The following WDPCP variants were observed in gnomAD, a reference collection of about 807,000 sequenced individuals.
WDPCP encodes the protein WD repeat containing planar cell polarity effector, also known as WD repeat-containing and planar cell polarity effector protein fritz homolog.
Under a neutral mutation model 93.1 loss-of-function variants are expected in WDPCP, and 71 were observed. That is an observed-to-expected ratio of 0.76 (90% CI 0.63 to 0.93). The LOEUF (loss-of-function observed/expected upper bound fraction) is 0.93, where lower values mean the gene tolerates loss of function less well. Among genes scored for constraint, WDPCP ranks in the 40% least tolerant of loss-of-function variants. The pLI, the probability that WDPCP is intolerant of heterozygous loss-of-function variation, is 0.00. For synonymous variants in WDPCP, 315 were observed against 315.0 expected (o/e 1.00, Z 0.00); for missense variants, 844 against 887.4 (o/e 0.95, Z 0.62).
intron 1 of WDPCP, among the ~76,000 whole-genome samples, chr2:63,521,847 C>T (rs1702958743): frequency 6.6e-6 from 1 of 152,046 alleles, no homozygotes; most frequent in African/African-American, 2.4e-5. Context: ...GGCCACAGCG[C>T]AATAAAAATA....
At chr2:63,131,250 T>C (rs1004878521) in intron 17 of WDPCP, among the ~76,000 whole-genome samples, 9 of 152,206 alleles carry the variant, frequency 5.9e-5, no homozygotes, top group Non-Finnish European at 8.8e-5. Context: ...GTCTTGTGGC[T>C]TTTTGGTTCC....
chr2:63,566,977 C>G (rs1248420939), intron 1 of WDPCP, among the ~76,000 whole-genome samples: 1 of 152,080 alleles, frequency 6.6e-6, no homozygotes, highest in Non-Finnish European at 1.5e-5. Flanking sequence ...ATGCACAGGG[C>G]AAATGGCAGC....
rs569397416 is a variant in WDPCP at position 63,565,463 on chromosome 2, T to C, written c.75+22734A>G. Among the ~76,000 whole-genome samples, 6 of 152,256 alleles carry C rather than the reference T, an allele frequency of 3.9e-5. No individual in the cohort carries two copies. The East Asian group carries it at 9.7e-4, about 25-fold the overall frequency. On this transcript the variant is annotated intron_variant, in intron 1 of 17. Transcript: ENST00000272321. Reference sequence around the variant, plus strand: ...AAATTAAAGAAATATTTAAACTCTATAGGATATGAATTATAGTATAATAAA... The same window carrying C: ...AAATTAAAGAAATATTTAAACTCTACAGGATATGAATTATAGTATAATAAA...
intron 1 of WDPCP, among the ~76,000 whole-genome samples, chr2:63,531,850 C>G (rs564008552): frequency 6.6e-6 from 1 of 152,218 alleles, no homozygotes; most frequent in East Asian, 1.9e-4. Flanking sequence ...CAAAGCTGGA[C>G]AGAGAATGAC....
At chr2:63,250,079 G>C (rs112462779) in intron 14 of WDPCP, among the ~76,000 whole-genome samples, 8 of 152,242 alleles carry the variant, frequency 5.3e-5, no homozygotes, top group African/African-American at 1.9e-4. Flanking sequence ...TACTCACTGA[G>C]AGCACCATAA....
At chr2:63,193,419 CAT>C (rs1675190640) in intron 14 of WDPCP, among the ~76,000 whole-genome samples, 1 of 152,202 alleles carries the variant, frequency 6.6e-6, no homozygotes, top group Non-Finnish European at 1.5e-5. Context: ...AGCAAACCAA[CAT>C]ATGTTAACAA....
intron 1 of WDPCP, among the ~76,000 whole-genome samples, chr2:63,568,806 T>C (rs1707267779): frequency 6.6e-6 from 1 of 152,236 alleles, no homozygotes; most frequent in Non-Finnish European, 1.5e-5. Flanking sequence ...AAACAGGCTA[T>C]GACTTAATGC....
In WDPCP at chr2:63,661,446, C is replaced by T. The variant is rs894468928; in HGVS notation, n.309-10608G>A. ...AACTTTTTGAAGGCTAGGACCACAT[C>T]TATTTTTCATGACAATGTTCTTATC... On this transcript the variant is annotated intron_variant and non_coding_transcript_variant, in intron 2 of 4. Transcript: ENST00000467687. Among the ~76,000 whole-genome samples the T allele has an allele frequency of 3.3e-5, 5 of 152,318 alleles. No individual in the cohort carries two copies. In the East Asian group the frequency reaches 5.8e-4, roughly 18 times the overall value.
rs71393312 is a variant in WDPCP, at chr2:63,527,222, C to CTT, written c.76-34284_76-34283dup. ...ACTAACAGAGCAAAGGGCAGGCATG[C>CTT]TTTTTTTTTTTTTTTTACTTTAAGT... On this transcript the variant is annotated intron_variant, in intron 1 of 17. Coordinates refer to ENST00000272321, the MANE Select transcript of WDPCP (RefSeq NM_015910.7). Among the ~76,000 whole-genome samples, 46 of 138,568 alleles carry CTT rather than the reference C, an allele frequency of 3.3e-4. 1 individual carries two copies. The highest frequency in any genetic ancestry group is 1.9e-3 in the South Asian group (8 of 4,296). 90.9% of individuals were successfully genotyped at this position (138,568 alleles called of 152,430 possible). A position where few individuals can be genotyped will look rare whatever the true frequency, so the allele number is the denominator to read the frequency against.
chr2:63,190,931 T>C (rs1674994754), intron 14 of WDPCP, among the ~76,000 whole-genome samples: 1 of 152,216 alleles, frequency 6.6e-6, no homozygotes, highest in Non-Finnish European at 1.5e-5. Context: ...AGATCCTGAA[T>C]TGGGTAAATT....
At chr2:63,653,383 A>C (rs262487) in intron 2 of WDPCP, among the ~76,000 whole-genome samples, 120,465 of 152,028 alleles carry the variant, frequency 0.79, 48,204 homozygotes, top group East Asian at 0.98. Flanking sequence ...TGCTGAATAC[A>C]TGGAGAATTC....
intron 3 of WDPCP, among the ~76,000 whole-genome samples, chr2:63,601,146 T>TGG (rs1709410418): frequency 6.6e-6 from 1 of 152,224 alleles, no homozygotes; most frequent in African/African-American, 2.4e-5. Context: ...CCTGGGACCT[T>TGG]GGCTAGGCAT....
At chr2:63,720,811 A>G (rs1264076728) in intron 2 of WDPCP, among the ~76,000 whole-genome samples, 2 of 152,240 alleles carry the variant, frequency 1.3e-5, no homozygotes, top group African/African-American at 4.8e-5. Flanking sequence ...AAATAAAATC[A>G]TCAGAACAAG....
chr2:63,697,560 T>C (rs1228364740), intron 2 of WDPCP, among the ~76,000 whole-genome samples: 3 of 152,238 alleles, frequency 2.0e-5, no homozygotes, highest in African/African-American at 4.8e-5. Context: ...ATGGTGTTAA[T>C]AGTATTACCT....
intron 3 of WDPCP, among the ~76,000 whole-genome samples, chr2:63,628,659 A>G (rs2106634140): frequency 6.6e-6 from 1 of 152,304 alleles, no homozygotes; most frequent in South Asian, 2.1e-4. Flanking sequence ...GTTTTTCCAT[A>G]CAAAGGACCA....
At chr2:63,790,092 C>T (rs1378886600) in intron 2 of WDPCP, among the ~76,000 whole-genome samples, 1 of 152,134 alleles carries the variant, frequency 6.6e-6, no homozygotes, top group African/African-American at 2.4e-5. Context: ...AAAGTCAAAT[C>T]TAGATATGGG....
intron 2 of WDPCP, among the ~76,000 whole-genome samples, chr2:63,704,767 G>A (rs140292453): frequency 0.18 from 27,709 of 151,904 alleles, 2,760 homozygotes; most frequent in Middle Eastern, 0.27. Context: ...CTCTTTTTTT[G>A]TTGTGTTTCT....
chr2:63,627,180 AAC>A (rs1291984629), intron 3 of WDPCP, among the ~76,000 whole-genome samples: 2 of 152,216 alleles, frequency 1.3e-5, no homozygotes, highest in Non-Finnish European at 2.9e-5. Context: ...GGATTGCTAG[AAC>A]ACAACATTTA....
chr2:63,356,447 A>G (rs1410707586), intron 12 of WDPCP, among the ~76,000 whole-genome samples: 2 of 151,976 alleles, frequency 1.3e-5, no homozygotes, highest in Non-Finnish European at 2.9e-5. Flanking sequence ...CCTTTAAAGA[A>G]CTCTCCACCC....
Sources: gnomAD v4.1 joint callset for allele counts (sites outside exome capture counted in the v4.1 genomes callset) on GRCh38, gnomAD v4.1.1 for gene constraint, MANE v1.5 for transcripts, NCBI Gene and HGNC (gene_info 2026-07-23, HGNC 2026-07-21) for gene names.